The following BICD1 variants were observed in gnomAD, a reference collection of about 807,000 sequenced individuals.
BICD1 encodes BICD cargo adaptor 1.
In BICD1, 35 loss-of-function variants were observed where a neutral mutation model predicts 92.5. That is an observed-to-expected ratio of 0.38 (90% CI 0.29 to 0.50). The LOEUF is 0.50. Ranked by LOEUF, BICD1 falls within the 20% of genes least tolerant of loss-of-function variation. The pLI is 0.93. For synonymous variants in BICD1, 429 were observed against 465.1 expected (o/e 0.92, Z 1.00); for missense variants, 950 against 1,189.8 (o/e 0.80, Z 2.97).
chr12:32,278,864 AAAAT>A (rs59177126), intron 2 of BICD1, among the ~76,000 whole-genome samples: 79,382 of 150,306 alleles, frequency 0.53, 22,031 homozygotes, highest in South Asian at 0.69. Context: ...TCAAAGAAAT[AAAAT>A]AAATAAATAA....
In BICD1 at chr12:32,379,373, C is replaced by T. The variant is rs1940104284; in HGVS notation, c.*1746C>T. The T allele has an allele frequency of 6.6e-6, 1 of 152,140 alleles. No individual in the cohort carries two copies. The highest frequency in any genetic ancestry group is 2.1e-4 in the South Asian group (1 of 4,822). 9.4% of individuals were successfully genotyped at this position (152,140 alleles called of 1,614,324 possible). A position where few individuals can be genotyped will look rare whatever the true frequency, so the allele number is the denominator to read the frequency against. On this transcript the variant is annotated 3_prime_UTR_variant, in exon 10 of 10. Coordinates refer to ENST00000652176, the MANE Select transcript of BICD1 (RefSeq NM_001714.4). ...ACGTTTTGTGTTCTTTATATGAGTG[C>T]TATTTTCCACAGTGTCATTTATTAT...
chr12:32,378,610 A>G lies in BICD1; in HGVS notation c.*983A>G, dbSNP rs1045558150. 5 of 152,226 alleles carry G rather than the reference A, an allele frequency of 3.3e-5. No homozygotes were observed. The highest frequency in any genetic ancestry group is 2.9e-5 in the Non-Finnish European group (2 of 68,038). The allele number at this position is 152,226 out of a possible 1,614,324, so 9.4% of individuals were successfully genotyped here. A position where few individuals can be genotyped will look rare whatever the true frequency, so the allele number is the denominator to read the frequency against. Reference sequence around the variant, plus strand: ...GGGTCCTACTGAGTCTTTCCTGATAAAAGGTATCAAGTACAAATGGGAAAA... The same window carrying G: ...GGGTCCTACTGAGTCTTTCCTGATAGAAGGTATCAAGTACAAATGGGAAAA... On this transcript the variant is annotated 3_prime_UTR_variant, in exon 10 of 10. Coordinates refer to ENST00000652176, the MANE Select transcript of BICD1 (RefSeq NM_001714.4).
chr12:32,276,235 G>C (rs774736026), intron 2 of BICD1, among the ~76,000 whole-genome samples: 2 of 152,018 alleles, frequency 1.3e-5, no homozygotes, highest in Non-Finnish European at 2.9e-5. Context: ...GCACCCTTCC[G>C]GAGGAAATCT....
intron 9 of BICD1, among the ~76,000 whole-genome samples, chr12:32,374,842 C>A (rs1939876064): frequency 6.7e-6 from 1 of 148,682 alleles, no homozygotes; most frequent in Non-Finnish European, 1.5e-5. Flanking sequence ...CTGCCTCGGC[C>A]TCCCAAAGTG....
intron 1 of BICD1, among the ~76,000 whole-genome samples, chr12:32,210,821 A>ATG (rs1945193853): frequency 6.6e-6 from 1 of 152,272 alleles, no homozygotes; most frequent in Non-Finnish European, 1.5e-5. Context: ...TCTCCTATAA[A>ATG]TACAGATTGA....
intron 8 of BICD1, among the ~76,000 whole-genome samples, chr12:32,363,769 A>C (rs1267554177): frequency 6.6e-6 from 1 of 152,202 alleles, no homozygotes; most frequent in Non-Finnish European, 1.5e-5. Context: ...ATAGGAGGCA[A>C]TACAGTGATA....
intron 4 of BICD1, among the ~76,000 whole-genome samples, chr12:32,312,650 G>A (rs2136230340): frequency 6.6e-6 from 1 of 152,234 alleles, no homozygotes; most frequent in Admixed American, 6.5e-5. Context: ...GCCTTCCTAG[G>A]TTATGGAATA....
At chr12:32,319,282 CT>C (rs1292608784) in intron 4 of BICD1, among the ~76,000 whole-genome samples, 1 of 151,852 alleles carries the variant, frequency 6.6e-6, no homozygotes, top group Non-Finnish European at 1.5e-5. Context: ...AGATTGTTGA[CT>C]TTTTTTTATT....
chr12:32,367,487 A>G, intron 8 of BICD1, 183 bp from the exon 9 acceptor site: 1 of 516,922 alleles, frequency 1.9e-6, no homozygotes, highest in Non-Finnish European at 3.4e-6. Flanking sequence ...TTTAAGAAAA[A>G]AAAAAAAGCC....
At chr12:32,314,500 C>G (rs2136233028) in intron 4 of BICD1, among the ~76,000 whole-genome samples, 1 of 152,258 alleles carries the variant, frequency 6.6e-6, no homozygotes, top group Admixed American at 6.5e-5. Flanking sequence ...TCATTATCAT[C>G]TTGACTTGTA....
intron 8 of BICD1, 67 bp downstream of exon 8, chr12:32,339,046 C>A: frequency 1.4e-6 from 2 of 1,463,974 alleles, no homozygotes; most frequent in African/African-American, 1.5e-5. Context: ...CCCTTCCTTC[C>A]GGTCACTCAG....
chr12:32,302,043 C>A (rs1592639182), intron 3 of BICD1, among the ~76,000 whole-genome samples: 1 of 152,152 alleles, frequency 6.6e-6, no homozygotes, highest in East Asian at 1.9e-4. Flanking sequence ...CCTGCCACCA[C>A]GCCCCACTAA....
chr12:32,281,951 G>T (rs760086268), intron 2 of BICD1, among the ~76,000 whole-genome samples: 1 of 152,084 alleles, frequency 6.6e-6, no homozygotes, highest in Non-Finnish European at 1.5e-5. Context: ...TAGATCTAGT[G>T]GGGGAAAGAT....
At chr12:32,303,936 G>A (rs1006783385) in intron 3 of BICD1, among the ~76,000 whole-genome samples, 1 of 152,116 alleles carries the variant, frequency 6.6e-6, no homozygotes, top group South Asian at 2.1e-4. Flanking sequence ...TTAGCCAGGC[G>A]TGGTGACGGG....
At chr12:32,236,119 G>C (rs12310014) in intron 2 of BICD1, among the ~76,000 whole-genome samples, 18,347 of 151,730 alleles carry the variant, frequency 0.12, 1,785 homozygotes, top group African/African-American at 0.27. Context: ...TTGAGGCCAG[G>C]TGTGGTAGTT....
Position 32,305,971 on chromosome 12 carries a change from T to G in BICD1, c.854T>G (p.Met285Arg). 9.3e-6 allele frequency: 15 copies of G among 1,614,170 alleles called. No homozygotes were observed. The highest frequency in any genetic ancestry group is 1.3e-5 in the Non-Finnish European group (15 of 1,180,026). ...DGSEPNNDDK[M>R]NGHIHGPLVK... ...AGTGAACCAAACAATGATGACAAAA[T>G]GAACGGTCATATCCATGGGCCTCTT... The change falls in exon 4 of 10, where the codon ATG becomes AGG. Residue 285 changes from methionine (M) to arginine (R), a missense_variant. Around this residue, in one of 5 missense-constraint regions of BICD1, gnomAD observed 246 missense variants for 258.4 expected, o/e 0.95. Coordinates refer to ENST00000652176, the MANE Select transcript of BICD1 (RefSeq NM_001714.4).
chr12:32,130,527 A>G (rs1942505228), intron 1 of BICD1, among the ~76,000 whole-genome samples: 1 of 152,192 alleles, frequency 6.6e-6, no homozygotes. Context: ...ACAGTGTCGG[A>G]AAGTGTGTAG....
rs1162412308 is a variant in BICD1, at chr12:32,346,583, C to CGT, written c.2764+7607_2764+7608dup. Reference sequence around the variant, plus strand: ...ATATATATATATATATATATATATACGTGTATATATATATATATATATATA... The same window carrying CGT: ...ATATATATATATATATATATATATACGTGTGTATATATATATATATATATATA... On this transcript the variant is annotated intron_variant, in intron 8 of 9. Coordinates refer to ENST00000652176, the MANE Select transcript of BICD1 (RefSeq NM_001714.4). 9.6e-4 allele frequency among the ~76,000 whole-genome samples: 25 copies of CGT among 26,124 alleles called. 2 individuals carry two copies. Among genetic ancestry groups the CGT allele is most frequent in the Non-Finnish European group, 1.9e-3 (16 of 8,504 alleles). The allele number at this position is 26,124 out of a possible 152,430, so 17.1% of individuals were successfully genotyped here.
chr12:32,188,960 TTAAA>T (rs1565575187), intron 1 of BICD1, among the ~76,000 whole-genome samples: 1 of 152,208 alleles, frequency 6.6e-6, no homozygotes, highest in Non-Finnish European at 1.5e-5. Flanking sequence ...TCCTGAATTC[TTAAA>T]TAACCAGTAC....
Sources: allele counts gnomAD v4.1 joint callset (sites outside exome capture counted in the v4.1 genomes callset), GRCh38; gene constraint gnomAD v4.1.1; regional missense constraint gnomAD v4.1.1; transcripts MANE v1.5; gene names NCBI Gene and HGNC (gene_info 2026-07-23, HGNC 2026-07-21).